RYR3: variants seen among roughly 807,000 people sequenced by gnomAD.
The protein encoded by RYR3 is ryanodine receptor 3.
RYR3 carries 207 observed loss-of-function variants against 584.3 expected under a neutral mutation model. The observed-to-expected ratio is 0.35, with a 90% CI of 0.32 to 0.40. RYR3 has a LOEUF of 0.40. RYR3 is among the 10% of genes least tolerant of loss of function. The pLI, the probability that RYR3 is intolerant of heterozygous loss-of-function variation, is 1.00. For synonymous variants in RYR3, 2,416 were observed against 2,248.5 expected, an observed-to-expected ratio of 1.07 and a Z score of -2.11; for missense variants, 5,616 against 6,089.2, an observed-to-expected ratio of 0.92 and a Z score of 2.59.
intron 1 of RYR3, among the ~76,000 whole-genome samples, chr15:33,416,232 G>A (rs779636124): frequency 6.6e-6 from 1 of 152,176 alleles, no homozygotes; most frequent in African/African-American, 2.4e-5. Flanking sequence ...CAATTGGATT[G>A]CTGGGTCAAA....
chr15:33,379,687 C>CTCTCTCTCTCTCTATATATATA lies in RYR3; in HGVS notation c.51+68592_51+68593insCTCTCTCTCTCTATATATATAT. Among the ~76,000 whole-genome samples the CTCTCTCTCTCTCTATATATATA allele has an allele frequency of 1.3e-3, 165 of 125,452 alleles. 3 individuals are homozygous for CTCTCTCTCTCTCTATATATATA. Among genetic ancestry groups the CTCTCTCTCTCTCTATATATATA allele is most frequent in the African/African-American group, 5.6e-3 (159 of 28,144 alleles). The allele number at this position is 125,452 out of a possible 152,430, so 82.3% of individuals were successfully genotyped here. ...TGTCCCTCTCTCTCTCTCTCTCTCT[C>CTCTCTCTCTCTCTATATATATA]TATATATATATATATATATATGAAT... On this transcript the variant is annotated intron_variant, in intron 1 of 103. Transcript: ENST00000634891.
At chr15:33,579,502 A>AT (rs2058484590) in intron 12 of RYR3, among the ~76,000 whole-genome samples, 1 of 152,040 alleles carries the variant, frequency 6.6e-6, no homozygotes, top group Non-Finnish European at 1.5e-5. Flanking sequence ...TAAGAAGTTT[A>AT]TTTTTTCTAA....
chr15:33,342,527 A>G lies in RYR3; in HGVS notation c.51+31431A>G, dbSNP rs1042036249. Among the ~76,000 whole-genome samples, 8 of 152,196 alleles carry G rather than the reference A, an allele frequency of 5.3e-5. 1 individual carries two copies. The highest frequency in any genetic ancestry group is 1.0e-4 in the Non-Finnish European group (7 of 68,040). On this transcript the variant is annotated intron_variant, in intron 1 of 103. Coordinates refer to ENST00000634891, the MANE Select transcript of RYR3 (RefSeq NM_001036.6). ...AAATATATTAATAGGTAGGGTTTCC[A>G]TAACCTGCAGTAGTTTTAAGAATCA...
intron 1 of RYR3, among the ~76,000 whole-genome samples, chr15:33,327,022 C>T (rs1969795126): frequency 6.6e-6 from 1 of 151,598 alleles, no homozygotes; most frequent in Non-Finnish European, 1.5e-5. Flanking sequence ...AAAAAAACTC[C>T]ACTGACAGAG....
At chr15:33,317,938 C>T (rs1283986979) in intron 1 of RYR3, among the ~76,000 whole-genome samples, 6 of 152,182 alleles carry the variant, frequency 3.9e-5, no homozygotes, top group Non-Finnish European at 8.8e-5. Context: ...GATTTCAGGT[C>T]TCTCTGCTCC....
chr15:33,698,032 C>T (rs758045894), intron 40 of RYR3, 36 bp downstream of exon 40: 1 of 1,457,226 alleles, frequency 6.9e-7, no homozygotes, highest in African/African-American at 1.4e-5. Context: ...AGAACTTGTC[C>T]CTTGAGGCAG....
chr15:33,386,386 T>C (rs1469705163), intron 1 of RYR3, among the ~76,000 whole-genome samples: 2 of 152,240 alleles, frequency 1.3e-5, no homozygotes, highest in Non-Finnish European at 2.9e-5. Flanking sequence ...AAAATATGTG[T>C]TGCTAATATT....
At chr15:33,321,522 G>C (rs1326860574) in intron 1 of RYR3, among the ~76,000 whole-genome samples, 1 of 152,278 alleles carries the variant, frequency 6.6e-6, no homozygotes, top group East Asian at 1.9e-4. Context: ...GAGTAGGTGT[G>C]TGTGAAGCTA....
rs749996197 is a variant in RYR3, at chr15:33,349,106, C to CTT, written c.51+38028_51+38029dup. 4.6e-3 allele frequency among the ~76,000 whole-genome samples: 517 copies of CTT among 113,534 alleles called. 5 individuals are homozygous for CTT. Among genetic ancestry groups the CTT allele is most frequent in the African/African-American group, 0.012 (348 of 29,996 alleles). 74.5% of individuals were successfully genotyped at this position (113,534 alleles called of 152,430 possible). On this transcript the variant is annotated intron_variant, in intron 1 of 103. Transcript: ENST00000634891. Reference sequence around the variant, plus strand: ...CTTTTTGTGGCTTGATAGCTTGTGCCTTTTTTTTTTTTTTTTTTTGCTAGA... The same window carrying CTT: ...CTTTTTGTGGCTTGATAGCTTGTGCCTTTTTTTTTTTTTTTTTTTTTGCTAGA...
At chr15:33,358,014 T>C (rs1974226380) in intron 1 of RYR3, among the ~76,000 whole-genome samples, 1 of 152,206 alleles carries the variant, frequency 6.6e-6, no homozygotes, top group Non-Finnish European at 1.5e-5. Flanking sequence ...CATCAGTGCC[T>C]TTTACCTGAG....
intron 1 of RYR3, among the ~76,000 whole-genome samples, chr15:33,352,820 T>G (rs1567079290): frequency 6.6e-6 from 1 of 152,336 alleles, no homozygotes; most frequent in South Asian, 2.1e-4. Flanking sequence ...TTTAGAGAGC[T>G]AAGGTTAAAG....
intron 38 of RYR3, among the ~76,000 whole-genome samples, chr15:33,671,324 A>C (rs1001738187): frequency 6.6e-6 from 1 of 152,178 alleles, no homozygotes; most frequent in African/African-American, 2.4e-5. Context: ...CTCAGGTTTA[A>C]TATCGTTGCT....
intron 5 of RYR3, among the ~76,000 whole-genome samples, chr15:33,535,829 T>C (rs1241919332): frequency 1.3e-5 from 2 of 152,188 alleles, no homozygotes; most frequent in Non-Finnish European, 2.9e-5. Flanking sequence ...GTGAATTCTG[T>C]TGACAGACAA....
At position 33,625,246 on chromosome 15, in the gene RYR3, G is replaced by A. The variant is rs551717103; in HGVS notation, c.2574+1223G>A. On this transcript the variant is annotated intron_variant, in intron 20 of 103. Transcript: ENST00000634891. The stretch of plus-strand genomic sequence containing the variant: ...TATTATGAGGACAGCAAGGGGGGAA[G>A]GCTGCCCCTATGATCAAATCACTTC... 1.8e-3 allele frequency among the ~76,000 whole-genome samples: 275 copies of A among 152,288 alleles called. 1 individual carries two copies. The highest frequency in any genetic ancestry group is 6.3e-3 in the African/African-American group (263 of 41,560).
chr15:33,662,543 C>T lies in RYR3; in HGVS notation c.5013C>T (p.Cys1671=). The change falls in exon 35 of 104, where the codon TGC becomes TGT. Residue 1671 remains cysteine, a synonymous_variant. Transcript: ENST00000634891. ...LKPGFRFSTP[C]FVVTGEDHQK... ...CCGGGTTCAGGTTCTCCACCCCTTG[C>T]TTTGTTGTGACTGGTGAGGATCACC... 1 of 1,614,016 alleles carries T rather than the reference C, an allele frequency of 6.2e-7. No homozygotes were observed. Among genetic ancestry groups the T allele is most frequent in the Non-Finnish European group, 8.5e-7 (1 of 1,179,900 alleles).
chr15:33,531,100 C>T (rs2054828645), intron 4 of RYR3, among the ~76,000 whole-genome samples: 1 of 152,074 alleles, frequency 6.6e-6, no homozygotes, highest in Admixed American at 6.6e-5. Flanking sequence ...CAGTTCTCCT[C>T]CTTTACCTAG....
At position 33,823,091 on chromosome 15, in the gene RYR3, C is replaced by T. The variant is rs1397770497; in HGVS notation, c.11072+19C>T. The T allele has an allele frequency of 6.2e-7, 1 of 1,600,292 alleles. No homozygotes were observed. Among genetic ancestry groups the T allele is most frequent in the Non-Finnish European group, 8.5e-7 (1 of 1,171,002 alleles). ...CTTGCAGGTAAATGCGGGAAAACTACCATAGCATTTAAAAAACTCTTCCCT... is the reference window on the plus strand; with the variant it reads ...CTTGCAGGTAAATGCGGGAAAACTATCATAGCATTTAAAAAACTCTTCCCT... On this transcript the variant is annotated intron_variant, in intron 81 of 103. Transcript: ENST00000634891.
chr15:33,819,834 CTCTG>C (rs1193148260), intron 77 of RYR3, 27 bp downstream of exon 77: 5 of 1,549,596 alleles, frequency 3.2e-6, no homozygotes, highest in East Asian at 2.3e-5. Flanking sequence ...TGCCCATTGT[CTCTG>C]TCTTTCTGTC....
At chr15:33,484,577 C>A (rs994043335) in intron 2 of RYR3, among the ~76,000 whole-genome samples, 5 of 152,044 alleles carry the variant, frequency 3.3e-5, no homozygotes, top group Admixed American at 1.3e-4. Flanking sequence ...TGTATAGATT[C>A]CTCATGTGAA....
Sources: gnomAD v4.1 joint callset for allele counts (sites outside exome capture counted in the v4.1 genomes callset) on GRCh38, gnomAD v4.1.1 for gene constraint, MANE v1.5 for transcripts, NCBI Gene and HGNC (gene_info 2026-07-23, HGNC 2026-07-21) for gene names.